Variants in RABGAP1L observed in about 807,000 individuals in gnomAD.
The protein encoded by RABGAP1L is rab GTPase-activating protein 1-like.
RABGAP1L carries 63 observed loss-of-function variants against 137.7 expected under a neutral mutation model. The ratio of observed to expected loss-of-function variants is 0.46; its 90% CI spans 0.37 to 0.56. RABGAP1L has a LOEUF of 0.56. Ranked by LOEUF, RABGAP1L falls within the 20% of genes least tolerant of loss-of-function variation. The pLI is 0.00. For synonymous variants in RABGAP1L, 431 were observed against 433.7 expected, an observed-to-expected ratio of 0.99 and a Z score of 0.08; for missense variants, 1,095 against 1,244.0, an observed-to-expected ratio of 0.88 and a Z score of 1.80.
chr1:174,657,954 G>A lies in RABGAP1L; in HGVS notation c.1824+20466G>A, dbSNP rs141498825. ...ATTGGGTGAGTCTTGCAAGTGGAGTGTTCCAGGGAACCACCATTCAGGTCA... is the reference window on the plus strand; with the variant it reads ...ATTGGGTGAGTCTTGCAAGTGGAGTATTCCAGGGAACCACCATTCAGGTCA... On this transcript the variant is annotated intron_variant, in intron 14 of 25. Coordinates refer to ENST00000681986, the MANE Select transcript of RABGAP1L (RefSeq NM_001366446.1). Among the ~76,000 whole-genome samples the A allele has an allele frequency of 7.1e-4, 108 of 152,336 alleles. 1 individual carries two copies. Among genetic ancestry groups the A allele is most frequent in the African/African-American group, 2.4e-3 (100 of 41,570 alleles).
chr1:174,780,066 T>C (rs1793295), intron 18 of RABGAP1L, among the ~76,000 whole-genome samples: 94,086 of 142,986 alleles, frequency 0.66, 32,943 homozygotes, highest in East Asian at 0.93. Context: ...AACTCCATCT[T>C]ACAATAAATA....
At chr1:174,715,634 A>G (rs1039831146) in intron 17 of RABGAP1L, among the ~76,000 whole-genome samples, 1 of 152,240 alleles carries the variant, frequency 6.6e-6, no homozygotes, top group Non-Finnish European at 1.5e-5. Context: ...ACTTTTTTCA[A>G]TTCACATGGG....
chr1:174,160,308 C>T (rs1324307203), intron 1 of RABGAP1L, among the ~76,000 whole-genome samples: 1 of 152,166 alleles, frequency 6.6e-6, no homozygotes, highest in Non-Finnish European at 1.5e-5. Flanking sequence ...GCTCAGTGTC[C>T]TGATAACTGA....
chr1:174,670,401 A>G lies in RABGAP1L; in HGVS notation c.1825-13121A>G, dbSNP rs543149908. Among the ~76,000 whole-genome samples the G allele has an allele frequency of 6.6e-5, 10 of 152,274 alleles. No homozygotes were observed. The South Asian group carries it at 1.0e-3, about 16-fold the overall frequency. On this transcript the variant is annotated intron_variant, in intron 14 of 25. Coordinates refer to ENST00000681986, the MANE Select transcript of RABGAP1L (RefSeq NM_001366446.1). ...TATACTTTGTGTTGTAAACAATCCAATTACACCCTTTTAGTTATTTTAAAA... is the reference window on the plus strand; with the variant it reads ...TATACTTTGTGTTGTAAACAATCCAGTTACACCCTTTTAGTTATTTTAAAA...
chr1:174,312,232 A>G (rs947870282), intron 11 of RABGAP1L, among the ~76,000 whole-genome samples: 3 of 152,250 alleles, frequency 2.0e-5, no homozygotes, highest in Non-Finnish European at 4.4e-5. Context: ...GGGTTCTTTT[A>G]TCTCTACATC....
intron 13 of RABGAP1L, among the ~76,000 whole-genome samples, chr1:174,494,020 A>AT (rs1237255312): frequency 6.6e-6 from 1 of 152,036 alleles, no homozygotes; most frequent in Non-Finnish European, 1.5e-5. Context: ...AAATAATTTT[A>AT]TTTTTTCTGA....
At chr1:174,246,694 G>A (rs1672293592) in intron 5 of RABGAP1L, among the ~76,000 whole-genome samples, 1 of 152,176 alleles carries the variant, frequency 6.6e-6, no homozygotes, top group African/African-American at 2.4e-5. Context: ...ATATTACACA[G>A]TTTTATATAA....
intron 1 of RABGAP1L, among the ~76,000 whole-genome samples, chr1:174,201,883 C>T (rs184241467): frequency 1.5e-3 from 218 of 147,428 alleles, no homozygotes; most frequent in Admixed American, 0.011. Context: ...TTCCCACCTA[C>T]GAGTGAGAAC....
intron 7 of RABGAP1L, among the ~76,000 whole-genome samples, chr1:174,264,479 T>C (rs1488560976): frequency 1.3e-5 from 2 of 152,170 alleles, no homozygotes; most frequent in African/African-American, 4.8e-5. Context: ...TGTTTTTCTC[T>C]GACCTGAGGT....
chr1:174,962,011 A>T (rs916323918), intron 20 of RABGAP1L, among the ~76,000 whole-genome samples: 2 of 150,810 alleles, frequency 1.3e-5, no homozygotes, highest in Admixed American at 1.3e-4. Context: ...AAATAAATAA[A>T]AATATAAAAA....
At chr1:174,287,643 C>T (rs1676184953) in intron 10 of RABGAP1L, among the ~76,000 whole-genome samples, 1 of 152,074 alleles carries the variant, frequency 6.6e-6, no homozygotes, top group Admixed American at 6.6e-5. Flanking sequence ...CAGGTGTGCA[C>T]CACCACACTT....
intron 1 of RABGAP1L, among the ~76,000 whole-genome samples, chr1:174,182,447 A>G (rs1263525198): frequency 6.6e-6 from 1 of 152,204 alleles, no homozygotes; most frequent in Non-Finnish European, 1.5e-5. Context: ...ATCATAAAAT[A>G]CTTTGGTTAG....
chr1:174,866,733 G>A (rs928678030), intron 19 of RABGAP1L, among the ~76,000 whole-genome samples: 2 of 151,962 alleles, frequency 1.3e-5, no homozygotes, highest in Non-Finnish European at 1.5e-5. Flanking sequence ...GCAACATGGT[G>A]AAACCCCTTC....
chr1:174,535,228 A>G (rs1044537524), intron 13 of RABGAP1L, among the ~76,000 whole-genome samples: 2 of 152,178 alleles, frequency 1.3e-5, no homozygotes, highest in African/African-American at 2.4e-5. Flanking sequence ...TAAAAAATAA[A>G]GAATTTGTCT....
At chr1:174,621,838 C>T (rs1486194460) in intron 13 of RABGAP1L, among the ~76,000 whole-genome samples, 1 of 152,144 alleles carries the variant, frequency 6.6e-6, no homozygotes, top group Admixed American at 6.5e-5. Context: ...GCAACAAAAG[C>T]CAGAATTGAC....
intron 20 of RABGAP1L, among the ~76,000 whole-genome samples, chr1:174,969,003 T>C (rs1215563503): frequency 6.6e-6 from 1 of 152,184 alleles, no homozygotes; most frequent in Admixed American, 6.6e-5. Context: ...GGGGATATGC[T>C]CAGAAAGTTT....
intron 20 of RABGAP1L, 196 bp downstream of exon 20, chr1:174,957,745 T>TTTTG (rs1668716539): frequency 2.3e-6 from 2 of 861,040 alleles, no homozygotes; most frequent in African/African-American, 3.6e-5. Flanking sequence ...TTTTTTTTTT[T>TTTTG]TCTTAAAGCA....
intron 18 of RABGAP1L, among the ~76,000 whole-genome samples, chr1:174,792,813 A>G (rs550853035): frequency 1.3e-5 from 2 of 152,334 alleles, no homozygotes; most frequent in Admixed American, 1.3e-4. Flanking sequence ...TAAGCAGCCT[A>G]TTGAGCTACA....
intron 13 of RABGAP1L, among the ~76,000 whole-genome samples, chr1:174,570,932 G>A (rs904857293): frequency 2.0e-5 from 3 of 152,158 alleles, no homozygotes; most frequent in African/African-American, 7.2e-5. Flanking sequence ...ATACCCAAAA[G>A]AAAGGAAATG....
Sources: gnomAD v4.1 joint callset for allele counts (sites outside exome capture counted in the v4.1 genomes callset) on GRCh38, gnomAD v4.1.1 for gene constraint, MANE v1.5 for transcripts, NCBI Gene and HGNC (gene_info 2026-07-23, HGNC 2026-07-21) for gene names.